The following SPOCK3 variants were observed in gnomAD, a reference collection of about 807,000 sequenced individuals.
SPOCK3 encodes SPARC (osteonectin), cwcv and kazal like domains proteoglycan 3.
Under a neutral mutation model 56.6 loss-of-function variants are expected in SPOCK3, and 30 were observed. The ratio of observed to expected loss-of-function variants is 0.53; its 90% CI spans 0.40 to 0.72. The LOEUF (loss-of-function observed/expected upper bound fraction) is 0.72, where lower values mean the gene tolerates loss of function less well. SPOCK3 is among the 30% of genes least tolerant of loss of function. SPOCK3 has a pLI of 0.00. For synonymous variants in SPOCK3, 196 were observed against 183.3 expected (o/e 1.07, Z -0.56); for missense variants, 527 against 530.0 (o/e 0.99, Z 0.06).
intron 6 of SPOCK3, among the ~76,000 whole-genome samples, chr4:166,874,047 G>C (rs1732795875): frequency 6.6e-6 from 1 of 152,096 alleles, no homozygotes; most frequent in Non-Finnish European, 1.5e-5. Flanking sequence ...AATGATCTTG[G>C]GAGATTGAAG....
rs555192625 is a variant in SPOCK3 at position 166,808,686 on chromosome 4, T to C, written c.590-16397A>G. Among the ~76,000 whole-genome samples the C allele has an allele frequency of 4.6e-5, 7 of 152,224 alleles. No individual in the cohort carries two copies. In the East Asian group the frequency reaches 1.4e-3, roughly 29 times the overall value. On this transcript the variant is annotated intron_variant, in intron 6 of 10. Coordinates refer to ENST00000357545, the MANE Select transcript of SPOCK3 (RefSeq NM_001040159.2). ...TTCCTGAAAGCTAGTAAAAATCTGA[T>C]TCTACTACTTGCCACCCTTGACTTT... is the stretch of plus-strand genomic sequence containing the variant.
At chr4:167,039,891 C>T (rs979096821) in intron 3 of SPOCK3, among the ~76,000 whole-genome samples, 1 of 152,160 alleles carries the variant, frequency 6.6e-6, no homozygotes, top group Non-Finnish European at 1.5e-5. Flanking sequence ...TGAATATTCT[C>T]ACCTCTCCTC....
intron 3 of SPOCK3, among the ~76,000 whole-genome samples, chr4:167,020,757 C>T (rs1449994993): frequency 2.0e-5 from 3 of 151,932 alleles, no homozygotes; most frequent in Non-Finnish European, 4.4e-5. Flanking sequence ...ATGAAAGAAG[C>T]ATCATTTTTT....
At chr4:167,168,337 G>GGAACTTCCT (rs1007577156) in intron 2 of SPOCK3, among the ~76,000 whole-genome samples, 4 of 152,104 alleles carry the variant, frequency 2.6e-5, no homozygotes, top group African/African-American at 9.7e-5. Context: ...AGGAAAGTTT[G>GGAACTTCCT]GAACTTCCTA....
chr4:166,735,720 C>T (rs751789841), intron 10 of SPOCK3, among the ~76,000 whole-genome samples: 3 of 151,938 alleles, frequency 2.0e-5, no homozygotes, highest in Non-Finnish European at 4.4e-5. Context: ...TGAGAGCTAC[C>T]TCTAAGAGGT....
At chr4:166,789,022 T>G in intron 7 of SPOCK3, among the ~76,000 whole-genome samples, 1 of 151,954 alleles carries the variant, frequency 6.6e-6, no homozygotes, top group East Asian at 1.9e-4. Flanking sequence ...AAATAAGAGA[T>G]TGTAAAATAC....
At position 166,901,875 on chromosome 4, in the gene SPOCK3, TTAATTAAAAGC is replaced by T. The variant is rs549758687; in HGVS notation, c.474+10734_474+10744del. On this transcript the variant is annotated intron_variant, in intron 5 of 10. Coordinates refer to ENST00000357545, the MANE Select transcript of SPOCK3 (RefSeq NM_001040159.2). ...GCTTAGAGTTCCCTTGATGATATCC[TTAATTAAAAGC>T]TACATGAGATAAATTGAACAGATTT... is the stretch of plus-strand genomic sequence containing the variant. Among the ~76,000 whole-genome samples the T allele has an allele frequency of 3.9e-4, 60 of 152,254 alleles. No individual in the cohort carries two copies. The East Asian group carries it at 0.01, about 26-fold the overall frequency.
chr4:166,789,859 C>T (rs991770897), intron 7 of SPOCK3, among the ~76,000 whole-genome samples: 1 of 152,136 alleles, frequency 6.6e-6, no homozygotes, highest in Non-Finnish European at 1.5e-5. Context: ...AAGCTTTTTA[C>T]AAAGCAGTCT....
At chr4:167,211,879 A>G (rs190120726) in intron 2 of SPOCK3, among the ~76,000 whole-genome samples, 1 of 152,342 alleles carries the variant, frequency 6.6e-6, no homozygotes, top group Admixed American at 6.5e-5. Flanking sequence ...GTTTTAGTGA[A>G]GCAATTTTCC....
At chr4:166,829,587 G>A (rs936967380) in intron 6 of SPOCK3, among the ~76,000 whole-genome samples, 10 of 151,882 alleles carry the variant, frequency 6.6e-5, no homozygotes, top group African/African-American at 1.7e-4. Flanking sequence ...CTTACTAATC[G>A]TCTCAATACA....
intron 2 of SPOCK3, among the ~76,000 whole-genome samples, chr4:167,136,568 C>T (rs1287456232): frequency 6.6e-6 from 1 of 152,104 alleles, no homozygotes. Context: ...AAAGATCTAT[C>T]AGTCAAAATA....
intron 6 of SPOCK3, among the ~76,000 whole-genome samples, chr4:166,865,172 G>A (rs551574913): frequency 6.6e-6 from 1 of 152,172 alleles, no homozygotes; most frequent in Admixed American, 6.5e-5. Context: ...CAGAACCAAT[G>A]ACAAAAACCA....
intron 2 of SPOCK3, among the ~76,000 whole-genome samples, chr4:167,072,916 T>TTTA (rs1225787391): frequency 6.6e-6 from 1 of 151,848 alleles, no homozygotes; most frequent in African/African-American, 2.4e-5. Flanking sequence ...TAAGGTCAAG[T>TTTA]GCCTCTAAGT....
chr4:167,018,526 G>A (rs1580009627), intron 3 of SPOCK3, among the ~76,000 whole-genome samples: 1 of 152,064 alleles, frequency 6.6e-6, no homozygotes, highest in East Asian at 1.9e-4. Flanking sequence ...AACAGGTCCT[G>A]CTGGCATCTG....
At chr4:166,877,042 A>G (rs931404251) in intron 6 of SPOCK3, among the ~76,000 whole-genome samples, 3 of 152,178 alleles carry the variant, frequency 2.0e-5, no homozygotes, top group Admixed American at 6.5e-5. Context: ...TACACACATC[A>G]AAGTTACAAT....
intron 2 of SPOCK3, among the ~76,000 whole-genome samples, chr4:167,122,191 G>A (rs1178576865): frequency 6.7e-6 from 1 of 150,048 alleles, no homozygotes; most frequent in African/African-American, 2.5e-5. Context: ...TCTTGAGACA[G>A]GGTCTAGAAT....
intron 2 of SPOCK3, among the ~76,000 whole-genome samples, chr4:167,201,425 G>A (rs1381342869): frequency 6.6e-6 from 1 of 151,754 alleles, no homozygotes; most frequent in African/African-American, 2.4e-5. Context: ...AAAATATGGA[G>A]GCTATGAGCT....
intron 2 of SPOCK3, among the ~76,000 whole-genome samples, chr4:167,153,796 A>G (rs985867710): frequency 2.6e-5 from 4 of 152,238 alleles, no homozygotes; most frequent in Non-Finnish European, 2.9e-5. Flanking sequence ...TAAGTCATCA[A>G]CTAACAAAGA....
chr4:166,903,555 A>G (rs1736290757), intron 5 of SPOCK3, among the ~76,000 whole-genome samples: 1 of 152,032 alleles, frequency 6.6e-6, no homozygotes, highest in African/African-American at 2.4e-5. Context: ...GGGGTTGTCT[A>G]ATTCATCGAC....
Sources: gnomAD v4.1 joint callset for allele counts (sites outside exome capture counted in the v4.1 genomes callset) on GRCh38, gnomAD v4.1.1 for gene constraint, MANE v1.5 for transcripts, NCBI Gene and HGNC (gene_info 2026-07-23, HGNC 2026-07-21) for gene names.